The following RAB3C variants were observed in gnomAD, a reference collection of about 807,000 sequenced individuals.
The protein encoded by RAB3C is RAB3C, member RAS oncogene family, also known as ras-related protein Rab-3C.
RAB3C carries 17 observed loss-of-function variants against 26.4 expected under a neutral mutation model. The ratio of observed to expected loss-of-function variants is 0.64; its 90% CI spans 0.44 to 0.97. RAB3C has a LOEUF of 0.97. Among genes scored for constraint, RAB3C ranks in the 50% least tolerant of loss-of-function variants. The pLI is 0.00. For synonymous variants in RAB3C, 91 were observed against 95.9 expected, an observed-to-expected ratio of 0.95 and a Z score of 0.30; for missense variants, 242 against 281.9, an observed-to-expected ratio of 0.86 and a Z score of 1.01.
At chr5:58,810,149 C>G (rs1429330941) in intron 3 of RAB3C, among the ~76,000 whole-genome samples, 1 of 152,152 alleles carries the variant, frequency 6.6e-6, no homozygotes, top group Non-Finnish European at 1.5e-5. Context: ...TTCACCCCTC[C>G]TCCTTCAGTC....
intron 3 of RAB3C, among the ~76,000 whole-genome samples, chr5:58,775,275 C>A (rs1014099400): frequency 6.6e-6 from 1 of 152,062 alleles, no homozygotes; most frequent in African/African-American, 2.4e-5. Flanking sequence ...CACAAATGAC[C>A]TAAGTACCAA....
intron 4 of RAB3C, among the ~76,000 whole-genome samples, chr5:58,839,624 C>T (rs1743832586): frequency 6.6e-6 from 1 of 152,106 alleles, no homozygotes; most frequent in Non-Finnish European, 1.5e-5. Context: ...CCCGCCTCGG[C>T]CTCCCAAACT....
In RAB3C at chr5:58,721,080, A is replaced by G. The variant is rs192253899; in HGVS notation, c.253-4922A>G. ...ACAGAGTGCCAAAATTCAAACCAAA[A>G]AAGTTTTAAGCTACTACTTATCAAG... On this transcript the variant is annotated intron_variant, in intron 2 of 4. Transcript: ENST00000282878. Among the ~76,000 whole-genome samples, 248 of 151,944 alleles carry G rather than the reference A, an allele frequency of 1.6e-3. 1 individual carries two copies. Among genetic ancestry groups the G allele is most frequent in the African/African-American group, 5.7e-3 (237 of 41,526 alleles).
intron 4 of RAB3C, among the ~76,000 whole-genome samples, chr5:58,843,971 A>G (rs1221419885): frequency 6.6e-6 from 1 of 152,210 alleles, no homozygotes; most frequent in Non-Finnish European, 1.5e-5. Flanking sequence ...CAAAAATTTC[A>G]AAAGTTAAAA....
At chr5:58,780,791 G>C (rs144783260) in intron 3 of RAB3C, among the ~76,000 whole-genome samples, 186 of 152,138 alleles carry the variant, frequency 1.2e-3, no homozygotes, top group African/African-American at 4.3e-3. Flanking sequence ...ATCTTAGGTG[G>C]AGGTTTTCAA....
chr5:58,709,662 C>T (rs570015048), intron 2 of RAB3C, among the ~76,000 whole-genome samples: 6 of 152,274 alleles, frequency 3.9e-5, no homozygotes, highest in African/African-American at 1.4e-4. Context: ...AATTGTTTTC[C>T]ATAGGTGCAT....
At chr5:58,694,498 G>A (rs1038534593) in intron 2 of RAB3C, among the ~76,000 whole-genome samples, 3 of 152,158 alleles carry the variant, frequency 2.0e-5, no homozygotes, top group Non-Finnish European at 2.9e-5. Flanking sequence ...AGATCCTTGA[G>A]GAATCACCAC....
intron 3 of RAB3C, among the ~76,000 whole-genome samples, chr5:58,780,204 C>G (rs947710763): frequency 2.0e-5 from 3 of 152,046 alleles, no homozygotes; most frequent in African/African-American, 4.8e-5. Context: ...ATTGGTAAGG[C>G]CTGTAGACTC....
intron 2 of RAB3C, among the ~76,000 whole-genome samples, chr5:58,619,233 G>A (rs1472184487): frequency 6.6e-6 from 1 of 152,062 alleles, no homozygotes; most frequent in African/African-American, 2.4e-5. Flanking sequence ...TAGACCTTAG[G>A]CTGGGCATAT....
At position 58,583,128 on chromosome 5, in the gene RAB3C, T is replaced by C; in HGVS notation, c.-81T>C. ...CCCCAAGAGTGCAGAGTGTGGAGCG[T>C]GGAGCGCCGGGACTGTGCACGCTTG... On this transcript the variant is annotated 5_prime_UTR_variant, in exon 1 of 5. Coordinates refer to ENST00000282878, the MANE Select transcript of RAB3C (RefSeq NM_138453.4). The C allele has an allele frequency of 1.2e-6, 2 of 1,608,866 alleles. No individual in the cohort carries two copies. Among genetic ancestry groups the C allele is most frequent in the Non-Finnish European group, 1.7e-6 (2 of 1,178,182 alleles).
intron 3 of RAB3C, among the ~76,000 whole-genome samples, chr5:58,787,719 G>A (rs1352865065): frequency 6.6e-6 from 1 of 152,152 alleles, no homozygotes; most frequent in Non-Finnish European, 1.5e-5. Flanking sequence ...GACACCAGAT[G>A]ATGTCTGTGT....
chr5:58,739,307 ATCT>A (rs1170737081), intron 3 of RAB3C, among the ~76,000 whole-genome samples: 1 of 152,194 alleles, frequency 6.6e-6, no homozygotes, highest in African/African-American at 2.4e-5. Flanking sequence ...GAAAGGCCAA[ATCT>A]TCTGAGTCTA....
At chr5:58,688,517 C>T (rs1050887454) in intron 2 of RAB3C, among the ~76,000 whole-genome samples, 6 of 152,084 alleles carry the variant, frequency 3.9e-5, no homozygotes, top group African/African-American at 1.4e-4. Flanking sequence ...CTGTTTTATG[C>T]CACTAAATTA....
intron 3 of RAB3C, among the ~76,000 whole-genome samples, chr5:58,745,745 A>G (rs756082508): frequency 1.3e-5 from 2 of 152,146 alleles, no homozygotes; most frequent in Non-Finnish European, 2.9e-5. Context: ...TGTCCCTTAT[A>G]TATCTTACAA....
At chr5:58,743,789 A>G (rs1338579117) in intron 3 of RAB3C, among the ~76,000 whole-genome samples, 1 of 152,242 alleles carries the variant, frequency 6.6e-6, no homozygotes, top group African/African-American at 2.4e-5. Flanking sequence ...ATGTGAGGTC[A>G]CATTGAAAAA....
intron 1 of RAB3C, among the ~76,000 whole-genome samples, chr5:58,617,008 A>G (rs1398326062): frequency 6.6e-6 from 1 of 152,126 alleles, no homozygotes; most frequent in Non-Finnish European, 1.5e-5. Context: ...TTCTCATTTT[A>G]ATATGGAAAT....
chr5:58,751,559 T>C (rs1053446093), intron 3 of RAB3C, among the ~76,000 whole-genome samples: 2 of 152,222 alleles, frequency 1.3e-5, no homozygotes, highest in Non-Finnish European at 2.9e-5. Context: ...CTTGGCTTTA[T>C]AAAGACTGGC....
At chr5:58,635,809 G>A (rs1255691450) in intron 2 of RAB3C, among the ~76,000 whole-genome samples, 2 of 152,102 alleles carry the variant, frequency 1.3e-5, no homozygotes, top group Non-Finnish European at 2.9e-5. Context: ...AGCTAATAAG[G>A]TGCTCAGGAG....
chr5:58,762,428 C>T (rs534472545), intron 3 of RAB3C, among the ~76,000 whole-genome samples: 5 of 152,170 alleles, frequency 3.3e-5, no homozygotes, highest in African/African-American at 7.2e-5. Flanking sequence ...TGCTGTGGCT[C>T]ACACCTGTAA....
Sources: gnomAD v4.1 joint callset for allele counts (sites outside exome capture counted in the v4.1 genomes callset) on GRCh38, gnomAD v4.1.1 for gene constraint, MANE v1.5 for transcripts, NCBI Gene and HGNC (gene_info 2026-07-23, HGNC 2026-07-21) for gene names.